The following TNKS variants were observed in gnomAD, a reference collection of about 807,000 sequenced individuals.
TNKS encodes poly [ADP-ribose] polymerase tankyrase-1.
Under a neutral mutation model 135.8 loss-of-function variants are expected in TNKS, and 72 were observed. That is an observed-to-expected ratio of 0.53 (90% CI 0.44 to 0.64). The LOEUF is 0.64. TNKS is among the 30% of genes least tolerant of loss of function. The pLI is 0.00. For synonymous variants in TNKS, 849 were observed against 649.3 expected, an observed-to-expected ratio of 1.31 and a Z score of -4.68; for missense variants, 1,769 against 1,674.0, an observed-to-expected ratio of 1.06 and a Z score of -0.99.
intron 11 of TNKS, among the ~76,000 whole-genome samples, chr8:9,712,283 CA>C (rs1804375258): frequency 6.6e-6 from 1 of 152,142 alleles, no homozygotes; most frequent in Non-Finnish European, 1.5e-5. Context: ...AGTTCGACAC[CA>C]GCCTGGGCAA....
chr8:9,764,532 G>A (rs1807322559), intron 22 of TNKS, among the ~76,000 whole-genome samples, 184 bp from the exon 23 acceptor site: 1 of 152,086 alleles, frequency 6.6e-6, no homozygotes, highest in African/African-American at 2.4e-5. Context: ...AAAGTAAATA[G>A]AAAGTGCATA....
chr8:9,706,403 A>G (rs549542312), intron 7 of TNKS, 150 bp downstream of exon 7: 4 of 627,684 alleles, frequency 6.4e-6, no homozygotes, highest in African/African-American at 1.9e-5. Context: ...TTGCCCTGTC[A>G]CCCAGGCTGG....
chr8:9,577,212 CAT>C (rs952603135), intron 1 of TNKS, among the ~76,000 whole-genome samples: 4 of 151,646 alleles, frequency 2.6e-5, no homozygotes, highest in Non-Finnish European at 4.4e-5. Context: ...AACTTGGCAA[CAT>C]GTGAAATTTT....
At chr8:9,676,682 C>G (rs1000612476) in intron 3 of TNKS, among the ~76,000 whole-genome samples, 1 of 75,920 alleles carries the variant, frequency 1.3e-5, no homozygotes, top group Non-Finnish European at 2.8e-5. Flanking sequence ...CCCTCTCTCT[C>G]TCTCTGTGTG....
intron 13 of TNKS, among the ~76,000 whole-genome samples, chr8:9,728,244 C>A (rs1402660206): frequency 6.6e-6 from 1 of 152,102 alleles, no homozygotes; most frequent in Admixed American, 6.6e-5. Context: ...AGAATTAGGC[C>A]TGGTAAATTT....
At chr8:9,648,244 T>G (rs983295988) in intron 3 of TNKS, among the ~76,000 whole-genome samples, 2 of 152,180 alleles carry the variant, frequency 1.3e-5, no homozygotes, top group African/African-American at 4.8e-5. Context: ...AACGATGAAT[T>G]AACCTTAGCT....
chr8:9,761,522 C>T lies in TNKS; in HGVS notation c.3160C>T (p.Leu1054=), dbSNP rs1278987684. 6.2e-7 allele frequency: 1 copy of T among 1,613,192 alleles called. No individual in the cohort carries two copies. The highest frequency in any genetic ancestry group is 8.5e-7 in the Non-Finnish European group (1 of 1,179,866). ...RDIFETEQIT[L]DVLADMGHEE... is the part of the protein sequence containing the mutation. Reference sequence around the variant, plus strand: ...ATTTTGTTTCATTTTTCAGATTACACTAGATGTGTTGGCTGATATGGGTCA... The same window carrying T: ...ATTTTGTTTCATTTTTCAGATTACATTAGATGTGTTGGCTGATATGGGTCA... Residue 1054 remains leucine (L), a synonymous_variant, in exon 21 of 27, where the codon CTA becomes TTA. Transcript: ENST00000310430.
chr8:9,661,525 A>G (rs947522280), intron 3 of TNKS, among the ~76,000 whole-genome samples: 21 of 152,164 alleles, frequency 1.4e-4, no homozygotes, highest in Non-Finnish European at 2.8e-4. Context: ...AAAACTGGCT[A>G]GCCGTATGGA....
intron 3 of TNKS, among the ~76,000 whole-genome samples, chr8:9,637,208 G>C (rs1473134451): frequency 1.3e-5 from 2 of 152,134 alleles, no homozygotes; most frequent in Non-Finnish European, 2.9e-5. Context: ...TCCTAGATAA[G>C]GAATGCTTTT....
intron 2 of TNKS, among the ~76,000 whole-genome samples, chr8:9,587,624 G>A (rs62493907): frequency 0.18 from 27,222 of 151,868 alleles, 2,973 homozygotes; most frequent in East Asian, 0.29. Flanking sequence ...GGGTGGTCTC[G>A]ATCTCCTGAC....
Position 9,777,500 on chromosome 8 carries a change from C to T in TNKS, c.*764C>T, listed in dbSNP as rs929586295. The stretch of plus-strand genomic sequence containing the variant: ...ACGCCTAAATTCAGAGAAGTCAAAG[C>T]CGGTGAAGGCCACTTGCTCTTTCCA... On this transcript the variant is annotated 3_prime_UTR_variant, in exon 27 of 27. Coordinates refer to ENST00000310430, the MANE Select transcript of TNKS (RefSeq NM_003747.3). The T allele has an allele frequency of 1.3e-5, 2 of 152,222 alleles. No homozygotes were observed. Among genetic ancestry groups the T allele is most frequent in the African/African-American group, 4.8e-5 (2 of 41,440 alleles). 9.4% of individuals were successfully genotyped at this position (152,222 alleles called of 1,614,324 possible). A position where few individuals can be genotyped will look rare whatever the true frequency, so the allele number is the denominator to read the frequency against.
chr8:9,752,648 T>C (rs1345142645), intron 20 of TNKS, 22 bp downstream of exon 20: 2 of 1,513,658 alleles, frequency 1.3e-6, no homozygotes, highest in Non-Finnish European at 1.8e-6. Context: ...TGTATATATT[T>C]GAGTCATTTA....
At chr8:9,692,266 G>C (rs1803310350) in intron 5 of TNKS, among the ~76,000 whole-genome samples, 1 of 152,130 alleles carries the variant, frequency 6.6e-6, no homozygotes, top group African/African-American at 2.4e-5. Context: ...TCACTGTTTA[G>C]CTCCCTCTTA....
intron 3 of TNKS, among the ~76,000 whole-genome samples, chr8:9,669,860 A>T (rs1802188797): frequency 6.6e-6 from 1 of 152,190 alleles, no homozygotes. Context: ...TTTAAAGAAA[A>T]TATTATCCAA....
intron 1 of TNKS, chr8:9,557,842 G>A (rs957322007): frequency 2.0e-5 from 3 of 152,070 alleles, no homozygotes; most frequent in African/African-American, 7.2e-5. Context: ...AGCATATATC[G>A]ATCGCTTAAA....
At chr8:9,560,334 G>A (rs1057480764) in intron 1 of TNKS, among the ~76,000 whole-genome samples, 6 of 151,740 alleles carry the variant, frequency 4.0e-5, no homozygotes, top group Non-Finnish European at 8.8e-5. Context: ...ATACGACTTG[G>A]ATTATGATAG....
chr8:9,586,876 G>A (rs1260478582), intron 2 of TNKS, among the ~76,000 whole-genome samples: 1 of 151,850 alleles, frequency 6.6e-6, no homozygotes, highest in Non-Finnish European at 1.5e-5. Context: ...AGTAATTGAG[G>A]GTCACCGTGG....
chr8:9,562,305 A>T (rs1190793356), intron 1 of TNKS, among the ~76,000 whole-genome samples: 1 of 152,050 alleles, frequency 6.6e-6, no homozygotes, highest in Non-Finnish European at 1.5e-5. Context: ...AATTTTCTTA[A>T]TGAGAGTCAT....
rs374149764 is a variant in TNKS, at chr8:9,639,975, G to A, written c.994+24298G>A. Among the ~76,000 whole-genome samples, 4 of 152,328 alleles carry A rather than the reference G, an allele frequency of 2.6e-5. No homozygotes were observed. In the East Asian group the frequency reaches 7.7e-4, roughly 29 times the overall value. On this transcript the variant is annotated intron_variant, in intron 3 of 26. Transcript: ENST00000310430. ...TTTACTTACTCAACGAAGGATAATT[G>A]TAGAAAAGCATCGTGGGCTGCTATA...
Sources: allele counts gnomAD v4.1 joint callset (sites outside exome capture counted in the v4.1 genomes callset), GRCh38; gene constraint gnomAD v4.1.1; transcripts MANE v1.5; gene names NCBI Gene and HGNC (gene_info 2026-07-23, HGNC 2026-07-21).